Variants in LRMDA observed in about 807,000 individuals in gnomAD.
LRMDA encodes leucine rich melanocyte differentiation associated.
In LRMDA, 18 loss-of-function variants were observed where a neutral mutation model predicts 29.8. The ratio of observed to expected loss-of-function variants is 0.60; its 90% CI spans 0.42 to 0.90. LRMDA has a LOEUF of 0.90. Ranked by LOEUF, LRMDA falls within the 40% of genes least tolerant of loss-of-function variation. The pLI is 0.00. For missense variants in LRMDA, 273 were observed against 273.9 expected (o/e 1.00, Z 0.02); for synonymous variants, 125 against 109.4 (o/e 1.14, Z -0.89).
chr10:76,370,469 C>T (rs1321526582), intron 6 of LRMDA, among the ~76,000 whole-genome samples: 2 of 151,998 alleles, frequency 1.3e-5, no homozygotes, highest in Non-Finnish European at 2.9e-5. Context: ...AAATGGATTC[C>T]AGTGTTTGCA....
At chr10:76,528,815 G>A (rs190865653) in intron 6 of LRMDA, among the ~76,000 whole-genome samples, 1 of 152,224 alleles carries the variant, frequency 6.6e-6, no homozygotes, top group Admixed American at 6.5e-5. Flanking sequence ...TCTTCCAACA[G>A]ACTGGCTCCC....
intron 2 of LRMDA, among the ~76,000 whole-genome samples, chr10:75,940,311 TCTC>T (rs985909116): frequency 2.0e-5 from 3 of 151,984 alleles, no homozygotes; most frequent in African/African-American, 7.3e-5. Flanking sequence ...AGGCCTTTGT[TCTC>T]CTCATACTAC....
At chr10:76,196,066 A>G (rs562986321) in intron 5 of LRMDA, among the ~76,000 whole-genome samples, 16 of 152,270 alleles carry the variant, frequency 1.1e-4, no homozygotes, top group African/African-American at 3.9e-4. Context: ...AGCTAAGAGG[A>G]CCTTTTCATT....
intron 2 of LRMDA, among the ~76,000 whole-genome samples, chr10:75,861,065 AT>A (rs1250061151): frequency 2.0e-5 from 3 of 152,226 alleles, no homozygotes; most frequent in African/African-American, 7.2e-5. Context: ...TACAAGCTTC[AT>A]TTTCATTTTG....
At chr10:75,812,422 A>G (rs868597736) in intron 2 of LRMDA, among the ~76,000 whole-genome samples, 5 of 152,152 alleles carry the variant, frequency 3.3e-5, no homozygotes, top group Middle Eastern at 3.2e-3. Context: ...GTTAAAATAT[A>G]TATATTTAGA....
chr10:75,726,036 A>T (rs1842627533), intron 2 of LRMDA, among the ~76,000 whole-genome samples: 1 of 152,184 alleles, frequency 6.6e-6, no homozygotes, highest in Non-Finnish European at 1.5e-5. Context: ...AGAGAGTGTA[A>T]GTAGTTTAGT....
At chr10:76,119,593 T>C (rs1849740702) in intron 5 of LRMDA, among the ~76,000 whole-genome samples, 1 of 152,184 alleles carries the variant, frequency 6.6e-6, no homozygotes, top group African/African-American at 2.4e-5. Context: ...GGAGCTATTG[T>C]TCTCACTTTC....
chr10:76,060,033 C>T (rs998934683), intron 5 of LRMDA, among the ~76,000 whole-genome samples: 1 of 152,150 alleles, frequency 6.6e-6, no homozygotes, highest in African/African-American at 2.4e-5. Flanking sequence ...TTTAGTTATT[C>T]TAGCTTTTGT....
intron 2 of LRMDA, among the ~76,000 whole-genome samples, chr10:75,852,168 C>G (rs187533142): frequency 6.6e-6 from 1 of 152,306 alleles, no homozygotes; most frequent in East Asian, 1.9e-4. Flanking sequence ...ATCATCTTGT[C>G]TCAACTTAAC....
At chr10:75,689,541 G>T (rs541844427) in intron 2 of LRMDA, among the ~76,000 whole-genome samples, 13 of 152,204 alleles carry the variant, frequency 8.5e-5, no homozygotes, top group Non-Finnish European at 1.3e-4. Flanking sequence ...CCCTATCATC[G>T]GATGTGAGTT....
Position 76,174,841 on chromosome 10 carries a change from C to T in LRMDA, c.516+116058C>T, listed in dbSNP as rs141449578. ...TTAGAGAAATTATGAGGATTAAGGC[C>T]GGGTGCGGTGGCTCACGCCTGTAAT... On this transcript the variant is annotated intron_variant, in intron 5 of 6. Transcript: ENST00000611255. Among the ~76,000 whole-genome samples the T allele has an allele frequency of 2.6e-4, 40 of 152,256 alleles. No homozygotes were observed. The East Asian group carries it at 6.2e-3, about 24-fold the overall frequency.
intron 2 of LRMDA, among the ~76,000 whole-genome samples, chr10:75,498,672 A>G (rs905603352): frequency 2.6e-5 from 4 of 152,206 alleles, no homozygotes; most frequent in Non-Finnish European, 5.9e-5. Context: ...GAAAGATGAA[A>G]GGAATTTAAT....
intron 2 of LRMDA, among the ~76,000 whole-genome samples, chr10:75,586,344 C>CTTTTTTTTTTT: frequency 3.4e-5 from 1 of 29,038 alleles, no homozygotes; most frequent in Non-Finnish European, 6.8e-5. Context: ...ACCAACACGT[C>CTTTTTTTTTTT]TTTTTTTTTT....
At chr10:76,042,108 A>G (rs946518485) in intron 3 of LRMDA, among the ~76,000 whole-genome samples, 23 of 152,192 alleles carry the variant, frequency 1.5e-4, no homozygotes, top group African/African-American at 5.3e-4. Context: ...TTGCTGACCC[A>G]GGAGACAAAG....
rs1842055319 is a variant in LRMDA at position 76,419,864 on chromosome 10, T to C, written c.601+95379T>C. On this transcript the variant is annotated intron_variant, in intron 6 of 6. Transcript: ENST00000611255. ...GTTTGGAAATATTTTCTCCCAGTCTTTTAAACATTAAAGCAACTTGCAGTC... is the reference window on the plus strand; with the variant it reads ...GTTTGGAAATATTTTCTCCCAGTCTCTTAAACATTAAAGCAACTTGCAGTC... Among the ~76,000 whole-genome samples the C allele has an allele frequency of 3.3e-5, 5 of 152,196 alleles. No individual in the cohort carries two copies. The South Asian group carries it at 1.0e-3, about 32-fold the overall frequency.
chr10:76,268,571 C>A (rs1416312150), intron 5 of LRMDA, among the ~76,000 whole-genome samples: 1 of 152,212 alleles, frequency 6.6e-6, no homozygotes, highest in Non-Finnish European at 1.5e-5. Flanking sequence ...GCATCAAGGA[C>A]ATCACTTACC....
intron 6 of LRMDA, among the ~76,000 whole-genome samples, chr10:76,390,643 C>T (rs1456861837): frequency 6.6e-6 from 1 of 152,220 alleles, no homozygotes; most frequent in Admixed American, 6.5e-5. Flanking sequence ...CTTCATTGCC[C>T]CTCCCATCCA....
At chr10:76,007,176 C>T (rs1253285863) in intron 2 of LRMDA, among the ~76,000 whole-genome samples, 1 of 152,090 alleles carries the variant, frequency 6.6e-6, no homozygotes, top group African/African-American at 2.4e-5. Context: ...CAAATTGAGC[C>T]ATTTTGTTCT....
chr10:76,054,486 C>G (rs769579383), intron 4 of LRMDA, among the ~76,000 whole-genome samples: 1 of 151,982 alleles, frequency 6.6e-6, no homozygotes. Flanking sequence ...CAAAGTGAGG[C>G]AAAATGACAA....
Sources: allele counts gnomAD v4.1 joint callset (sites outside exome capture counted in the v4.1 genomes callset), GRCh38; gene constraint gnomAD v4.1.1; transcripts MANE v1.5; gene names NCBI Gene and HGNC (gene_info 2026-07-23, HGNC 2026-07-21).